Variants in IDE observed in about 807,000 individuals in gnomAD.
IDE encodes insulin degrading enzyme, also known as insulin-degrading enzyme.
In IDE, 58 loss-of-function variants were observed where a neutral mutation model predicts 133.2. That is an observed-to-expected ratio of 0.44 (90% CI 0.35 to 0.54). IDE has a LOEUF of 0.54. Among genes scored for constraint, IDE ranks in the 20% least tolerant of loss-of-function variants. The pLI is 0.00. For missense variants in IDE, 981 were observed against 1,234.0 expected, an observed-to-expected ratio of 0.79 and a Z score of 3.07; for synonymous variants, 396 against 421.3, an observed-to-expected ratio of 0.94 and a Z score of 0.73.
chr10:92,543,482 C>T (rs1187853447), intron 1 of IDE, among the ~76,000 whole-genome samples: 2 of 152,220 alleles, frequency 1.3e-5, no homozygotes, highest in African/African-American at 2.4e-5. Flanking sequence ...CACCTAACTT[C>T]ATACACCAGC....
chr10:92,469,028 A>G (rs1222291415), intron 18 of IDE, 38 bp from the exon 19 acceptor site: 2 of 1,129,604 alleles, frequency 1.8e-6, no homozygotes. Flanking sequence ...TTACAAAAAC[A>G]TAAACATATC....
In IDE at chr10:92,573,973, G is replaced by A; in HGVS notation, c.47C>T (p.Thr16Ile). The part of the protein sequence containing the change: ...AWLLHPALPS[T>I]FRSVLGARLP... ...GCGGGCGCCGAGGACTGAGCGGAAG[G>A]TGCTGGGCAGTGCGGGGTGCAGAAG... is the stretch of plus-strand genomic sequence containing the variant. Residue 16 changes from threonine (T) to isoleucine (I), a missense_variant, in exon 1 of 25, where the codon ACC becomes ATC. Coordinates refer to ENST00000265986, the MANE Select transcript of IDE (RefSeq NM_004969.4). The A allele has an allele frequency of 6.6e-7, 1 of 1,504,156 alleles. No homozygotes were observed. The highest frequency in any genetic ancestry group is 1.3e-5 in the South Asian group (1 of 79,054). The allele number at this position is 1,504,156 out of a possible 1,614,324, so 93.2% of individuals were successfully genotyped here. A position where few individuals can be genotyped will look rare whatever the true frequency, so the allele number is the denominator to read the frequency against.
At chr10:92,460,072 C>T (rs947094781) in intron 22 of IDE, among the ~76,000 whole-genome samples, 2 of 151,890 alleles carry the variant, frequency 1.3e-5, no homozygotes, top group African/African-American at 2.4e-5. Flanking sequence ...CTCCTGACCT[C>T]GTGATTCACC....
Position 92,534,584 on chromosome 10 carries a change from AG to A in IDE, c.484del (p.Leu162Ter). 1 of 1,606,460 alleles carries A rather than the reference AG, an allele frequency of 6.2e-7. No homozygotes were observed. On this transcript the variant is annotated frameshift_variant, in exon 3 of 25. Coordinates refer to ENST00000265986, the MANE Select transcript of IDE (RefSeq NM_004969.4). LOFTEE classifies it high-confidence loss of function. ...DVSHEHLEGA[L>X]DRFAQFFLCP... ...ATAGGGTATTCTGCATTACCTGTCT[AG>A]GGCACCTTCTAGGTGTTCATGAGAA...
At chr10:92,562,314 A>C (rs1843319897) in intron 1 of IDE, among the ~76,000 whole-genome samples, 1 of 152,226 alleles carries the variant, frequency 6.6e-6, no homozygotes, top group South Asian at 2.1e-4. Flanking sequence ...AGCACAAGAA[A>C]GGAAAAAGAA....
chr10:92,528,059 G>A (rs1849722545), intron 4 of IDE, among the ~76,000 whole-genome samples: 1 of 152,128 alleles, frequency 6.6e-6, no homozygotes, highest in Non-Finnish European at 1.5e-5. Context: ...CTGATCTGAA[G>A]ATTTTCTTCA....
At chr10:92,530,970 A>G (rs747138995) in intron 4 of IDE, among the ~76,000 whole-genome samples, 2 of 152,208 alleles carry the variant, frequency 1.3e-5, no homozygotes, top group Non-Finnish European at 2.9e-5. Context: ...ATTTCTAAGT[A>G]CATTAAATAA....
At chr10:92,498,727 G>C (rs1353982432) in intron 11 of IDE, among the ~76,000 whole-genome samples, 2 of 152,110 alleles carry the variant, frequency 1.3e-5, no homozygotes, top group African/African-American at 4.8e-5. Flanking sequence ...TTGCACTCCA[G>C]CCTAGGCAAC....
intron 3 of IDE, among the ~76,000 whole-genome samples, chr10:92,534,093 T>C (rs1034464352): frequency 2.0e-5 from 3 of 149,494 alleles, no homozygotes; most frequent in Non-Finnish European, 4.4e-5. Context: ...ACATTCAAAA[T>C]ATCCCCACGG....
At chr10:92,498,187 C>T (rs1847818829) in intron 11 of IDE, among the ~76,000 whole-genome samples, 1 of 152,176 alleles carries the variant, frequency 6.6e-6, no homozygotes, top group Non-Finnish European at 1.5e-5. Flanking sequence ...TTCACAAGTC[C>T]CCCTTTCAGG....
intron 11 of IDE, among the ~76,000 whole-genome samples, chr10:92,504,430 T>G (rs1848187221): frequency 6.6e-6 from 1 of 152,184 alleles, no homozygotes; most frequent in Non-Finnish European, 1.5e-5. Flanking sequence ...ATGAGTCAGA[T>G]AGGTGGGCTG....
rs1476279271 is a variant in IDE at position 92,474,278 on chromosome 10, G to C, written c.2116+563C>G. Among the ~76,000 whole-genome samples the C allele has an allele frequency of 2.0e-5, 3 of 152,146 alleles. No individual in the cohort carries two copies. In the East Asian group the frequency reaches 5.8e-4, roughly 29 times the overall value. ...AGACAGAGTCTCACTATATTGCCCA[G>C]GGTGGTCTCAAACTCCTGGGATCAA... is the stretch of plus-strand genomic sequence containing the variant. On this transcript the variant is annotated intron_variant, in intron 17 of 24. Coordinates refer to ENST00000265986, the MANE Select transcript of IDE (RefSeq NM_004969.4).
chr10:92,485,960 AG>A (rs1475137130), intron 13 of IDE, among the ~76,000 whole-genome samples: 2 of 149,584 alleles, frequency 1.3e-5, no homozygotes, highest in Non-Finnish European at 2.9e-5. Flanking sequence ...TAAATAAATA[AG>A]ATAAGATAAG....
intron 1 of IDE, among the ~76,000 whole-genome samples, chr10:92,568,226 G>C (rs12355977): frequency 0.083 from 12,585 of 151,952 alleles, 709 homozygotes; most frequent in Non-Finnish European, 0.12. Flanking sequence ...GTTCTGGCTA[G>C]AGAAATACAT....
chr10:92,457,727 C>T (rs1845106383), intron 22 of IDE, among the ~76,000 whole-genome samples: 1 of 152,082 alleles, frequency 6.6e-6, no homozygotes, highest in Non-Finnish European at 1.5e-5. Context: ...CAGTTATTTA[C>T]TAATAACTGT....
chr10:92,465,977 T>A, intron 19 of IDE, 134 bp from the exon 20 acceptor site: 4 of 716,766 alleles, frequency 5.6e-6, no homozygotes, highest in Non-Finnish European at 9.4e-6. Flanking sequence ...AAGCCTGGAG[T>A]TGTATTTCAT....
chr10:92,472,191 C>A (rs140473122), intron 17 of IDE, among the ~76,000 whole-genome samples: 14 of 152,258 alleles, frequency 9.2e-5, no homozygotes, highest in African/African-American at 2.6e-4. Context: ...ATTCTCTTTA[C>A]AAAATCCATT....
intron 15 of IDE, among the ~76,000 whole-genome samples, chr10:92,477,145 T>C (rs567855553): frequency 6.8e-6 from 1 of 147,200 alleles, no homozygotes; most frequent in South Asian, 2.4e-4. Flanking sequence ...CATCAGGACC[T>C]TGGCTTAGCA....
chr10:92,487,619 T>C (rs538820824), intron 12 of IDE, among the ~76,000 whole-genome samples: 7 of 152,340 alleles, frequency 4.6e-5, no homozygotes, highest in African/African-American at 1.4e-4. Flanking sequence ...CTGGTCCATA[T>C]GCAGATCATG....
Sources: allele counts gnomAD v4.1 joint callset (sites outside exome capture counted in the v4.1 genomes callset), GRCh38; gene constraint gnomAD v4.1.1; transcripts MANE v1.5; gene names NCBI Gene and HGNC (gene_info 2026-07-23, HGNC 2026-07-21).